The following UGT1A8 variants were observed in gnomAD, a reference collection of about 807,000 sequenced individuals.
UGT1A8 encodes UDP glucuronosyltransferase family 1 member A8, also known as UDP-glucuronosyltransferase 1A8.
A neutral mutation model predicts 45.3 loss-of-function variants in UGT1A8; 39 were observed. The observed-to-expected ratio is 0.86, with a 90% CI of 0.67 to 1.12. The LOEUF is 1.12. Among genes scored for constraint, UGT1A8 ranks in the 50% most tolerant of loss-of-function variants. The pLI is 0.00. For missense variants in UGT1A8, 719 were observed against 664.9 expected (o/e 1.08, Z -0.90); for synonymous variants, 275 against 249.2 (o/e 1.10, Z -0.97).
intron 1 of UGT1A8, among the ~76,000 whole-genome samples, chr2:233,686,016 A>T (rs565898309): frequency 2.6e-5 from 4 of 152,216 alleles, no homozygotes; most frequent in African/African-American, 9.6e-5. Flanking sequence ...CTTGATTTTC[A>T]TCATGGTGCC....
chr2:233,707,565 T>C (rs1281598076), intron 1 of UGT1A8, among the ~76,000 whole-genome samples: 5 of 151,872 alleles, frequency 3.3e-5, no homozygotes, highest in Non-Finnish European at 7.4e-5. Flanking sequence ...TTCAACCTTA[T>C]GTTTGAGAGA....
chr2:233,772,733 G>A lies in UGT1A8; in HGVS notation c.*174G>A, dbSNP rs1019873826. 7 of 1,442,156 alleles carry A rather than the reference G, an allele frequency of 4.9e-6. No homozygotes were observed. Among genetic ancestry groups the A allele is most frequent in the Non-Finnish European group, 6.4e-6 (7 of 1,099,298 alleles). The allele number at this position is 1,442,156 out of a possible 1,614,324, so 89.3% of individuals were successfully genotyped here. A position where few individuals can be genotyped will look rare whatever the true frequency, so the allele number is the denominator to read the frequency against. ...TTAAATAAAAATAATAGACTCGCTA[G>A]TCAGTAAAGATATTTGAATATGTAT... On this transcript the variant is annotated 3_prime_UTR_variant, in exon 5 of 5. Coordinates refer to ENST00000373450, the MANE Select transcript of UGT1A8 (RefSeq NM_019076.5).
intron 1 of UGT1A8, among the ~76,000 whole-genome samples, chr2:233,665,273 A>G (rs1264743177): frequency 6.6e-6 from 1 of 152,200 alleles, no homozygotes; most frequent in East Asian, 1.9e-4. Flanking sequence ...ACCAATTAAT[A>G]TTGATATAGA....
chr2:233,634,879 G>T lies in UGT1A8; in HGVS notation c.855+16317G>T, dbSNP rs1158776136. Among the ~76,000 whole-genome samples the T allele has an allele frequency of 1.3e-5, 2 of 150,718 alleles. 1 individual carries two copies. The highest frequency in any genetic ancestry group is 2.9e-5 in the Non-Finnish European group (2 of 67,924). ...CTGTTTATTTTGCCTACTAGTTGATGCAGTTTCTTTATAGTGTCAATTGTC... is the reference window on the plus strand; with the variant it reads ...CTGTTTATTTTGCCTACTAGTTGATTCAGTTTCTTTATAGTGTCAATTGTC... On this transcript the variant is annotated intron_variant, in intron 1 of 4. Coordinates refer to ENST00000373450, the MANE Select transcript of UGT1A8 (RefSeq NM_019076.5).
intron 1 of UGT1A8, among the ~76,000 whole-genome samples, chr2:233,618,980 C>T (rs1407035776): frequency 1.3e-5 from 2 of 151,644 alleles, no homozygotes; most frequent in African/African-American, 4.8e-5. Context: ...CATATTTAGC[C>T]CACGTTTTTG....
intron 1 of UGT1A8, among the ~76,000 whole-genome samples, chr2:233,700,438 A>G (rs1275307024): frequency 2.0e-5 from 3 of 152,248 alleles, no homozygotes; most frequent in Admixed American, 6.5e-5. Flanking sequence ...TCTAAAGAGT[A>G]GCTGAATGCT....
chr2:233,722,513 C>T (rs940650282), intron 1 of UGT1A8, among the ~76,000 whole-genome samples: 2 of 152,128 alleles, frequency 1.3e-5, no homozygotes, highest in Non-Finnish European at 2.9e-5. Flanking sequence ...TTAATTGCAG[C>T]TTATTTTTGC....
chr2:233,718,955 G>C (rs1197227644), intron 1 of UGT1A8: 1 of 1,614,222 alleles, frequency 6.2e-7, no homozygotes, highest in Admixed American at 1.7e-5. Flanking sequence ...TCAGCATGCG[G>C]GAGGCCTTGC....
chr2:233,668,389 C>A (rs900825718), intron 1 of UGT1A8, among the ~76,000 whole-genome samples: 2 of 152,204 alleles, frequency 1.3e-5, no homozygotes, highest in African/African-American at 4.8e-5. Flanking sequence ...ATGAACTCAT[C>A]CTTTTTTATG....
chr2:233,659,467 A>C (rs1323005388), intron 1 of UGT1A8, among the ~76,000 whole-genome samples: 1 of 152,204 alleles, frequency 6.6e-6, no homozygotes, highest in East Asian at 1.9e-4. Context: ...TTTGAGAAAA[A>C]ATTTTAGGGT....
chr2:233,623,338 T>C (rs564314225), intron 1 of UGT1A8, among the ~76,000 whole-genome samples: 1 of 152,318 alleles, frequency 6.6e-6, no homozygotes, highest in East Asian at 1.9e-4. Flanking sequence ...TTTTGTGATA[T>C]TGATTCTTCC....
At chr2:233,658,760 T>G (rs2073906503) in intron 1 of UGT1A8, among the ~76,000 whole-genome samples, 1 of 152,250 alleles carries the variant, frequency 6.6e-6, no homozygotes, top group Non-Finnish European at 1.5e-5. Context: ...GTCTTTGCAC[T>G]TTTGTAAAAA....
In UGT1A8 at chr2:233,768,134, C is replaced by T. The variant is rs558476019; in HGVS notation, c.1076-86C>T. The T allele has an allele frequency of 1.1e-4, 173 of 1,608,048 alleles. No homozygotes were observed. The African/African-American group carries it at 2.2e-3, about 21-fold the overall frequency. Reference sequence around the variant, plus strand: ...CAAGGGCATGTGAGTAACACTGAGTCTTTGGAGTGTTTTCAGAACCTAGAT... The same window carrying T: ...CAAGGGCATGTGAGTAACACTGAGTTTTTGGAGTGTTTTCAGAACCTAGAT... On this transcript the variant is annotated intron_variant, in intron 3 of 4. Transcript: ENST00000373450.
intron 1 of UGT1A8, among the ~76,000 whole-genome samples, chr2:233,667,921 T>C (rs1476344118): frequency 6.6e-6 from 1 of 152,232 alleles, no homozygotes; most frequent in African/African-American, 2.4e-5. Flanking sequence ...GGAACACTTT[T>C]ACACTGTTGG....
intron 1 of UGT1A8, among the ~76,000 whole-genome samples, chr2:233,703,399 T>G (rs1408103781): frequency 6.6e-6 from 1 of 152,144 alleles, no homozygotes; most frequent in Non-Finnish European, 1.5e-5. Context: ...AATAAACAAT[T>G]TTGGTTTTGT....
intron 1 of UGT1A8, chr2:233,730,017 A>G (rs1485743576): frequency 6.2e-7 from 1 of 1,613,756 alleles, no homozygotes; most frequent in South Asian, 1.1e-5. Flanking sequence ...CCTTCATCCA[A>G]TCAATGTTCC....
chr2:233,674,992 A>T lies in UGT1A8; in HGVS notation c.855+56430A>T, dbSNP rs545379398. ...TCAGAGTCTGTGTCTTATCTGTCTG[A>T]TGAGAAGGAAGCATTACTTGATGAT... On this transcript the variant is annotated intron_variant, in intron 1 of 4. Coordinates refer to ENST00000373450, the MANE Select transcript of UGT1A8 (RefSeq NM_019076.5). Among the ~76,000 whole-genome samples, 7 of 152,306 alleles carry T rather than the reference A, an allele frequency of 4.6e-5. No homozygotes were observed. The East Asian group carries it at 1.2e-3, about 25-fold the overall frequency.
intron 1 of UGT1A8, chr2:233,691,866 A>G (rs45464992): frequency 3.3e-3 from 526 of 157,150 alleles, no homozygotes; most frequent in Non-Finnish European, 5.4e-3. Context: ...TATAATAAGA[A>G]ATATATGTTT....
intron 1 of UGT1A8, among the ~76,000 whole-genome samples, chr2:233,766,662 C>T (rs911110190): frequency 3.9e-5 from 6 of 152,180 alleles, no homozygotes; most frequent in Non-Finnish European, 8.8e-5. Flanking sequence ...GGACCACGCC[C>T]TTCCCAGCTC....
Sources: allele counts gnomAD v4.1 joint callset (sites outside exome capture counted in the v4.1 genomes callset), GRCh38; gene constraint gnomAD v4.1.1; transcripts MANE v1.5; gene names NCBI Gene and HGNC (gene_info 2026-07-23, HGNC 2026-07-21).